MAGI2: variants seen among roughly 807,000 people sequenced by gnomAD.
The protein encoded by MAGI2 is membrane-associated guanylate kinase, WW and PDZ domain-containing protein 2.
Under a neutral mutation model 133.3 loss-of-function variants are expected in MAGI2, and 35 were observed. The observed-to-expected ratio is 0.26, with a 90% CI of 0.20 to 0.35. The LOEUF (loss-of-function observed/expected upper bound fraction) is 0.35, where lower values mean the gene tolerates loss of function less well. Among genes scored for constraint, MAGI2 ranks in the 10% least tolerant of loss-of-function variants. The pLI, the probability that MAGI2 is intolerant of heterozygous loss-of-function variation, is 1.00. For synonymous variants in MAGI2, 729 were observed against 710.6 expected, an observed-to-expected ratio of 1.03 and a Z score of -0.41; for missense variants, 1,636 against 1,863.4, an observed-to-expected ratio of 0.88 and a Z score of 2.25.
At chr7:78,963,745 C>A (rs1340425711) in intron 2 of MAGI2, among the ~76,000 whole-genome samples, 1 of 151,774 alleles carries the variant, frequency 6.6e-6, no homozygotes, top group African/African-American at 2.4e-5. Context: ...AAAAAGTGTG[C>A]CCTGGTTTAT....
chr7:79,306,320 A>ATG (rs1249306996), intron 1 of MAGI2, among the ~76,000 whole-genome samples: 6 of 132,902 alleles, frequency 4.5e-5, no homozygotes, highest in East Asian at 2.4e-4. Flanking sequence ...TTTTATATAT[A>ATG]TGTGTATATA....
At chr7:78,669,782 A>G (rs891469986) in intron 2 of MAGI2, among the ~76,000 whole-genome samples, 4 of 151,350 alleles carry the variant, frequency 2.6e-5, no homozygotes, top group Non-Finnish European at 5.9e-5. Context: ...GCAAATCAAT[A>G]AATGTAATCC....
chr7:78,349,687 A>G (rs1389998983), intron 7 of MAGI2, among the ~76,000 whole-genome samples: 1 of 152,224 alleles, frequency 6.6e-6, no homozygotes, highest in Non-Finnish European at 1.5e-5. Flanking sequence ...ATAGCACCAT[A>G]AGCTAATTGC....
chr7:79,084,290 A>G (rs1320984697), intron 1 of MAGI2, among the ~76,000 whole-genome samples: 3 of 151,768 alleles, frequency 2.0e-5, no homozygotes, highest in African/African-American at 7.2e-5. Flanking sequence ...TTATAGCTAC[A>G]GATTTCTCTC....
intron 16 of MAGI2, among the ~76,000 whole-genome samples, chr7:78,158,701 T>G (rs1824644850): frequency 6.6e-6 from 1 of 152,120 alleles, no homozygotes; most frequent in Non-Finnish European, 1.5e-5. Context: ...TAAACAAAAT[T>G]GATAACAGCT....
Position 79,235,749 on chromosome 7 carries a change from G to A in MAGI2, c.301+217271C>T, listed in dbSNP as rs1018023574. On this transcript the variant is annotated intron_variant, in intron 1 of 21. Transcript: ENST00000354212. ...TCAGATGGAAATGCAGAAATCACCCGTCTTCTGCGTCGCTCACGCTGGGAG... is the reference window on the plus strand; with the variant it reads ...TCAGATGGAAATGCAGAAATCACCCATCTTCTGCGTCGCTCACGCTGGGAG... 3.3e-4 allele frequency among the ~76,000 whole-genome samples: 50 copies of A among 152,286 alleles called. 1 individual carries two copies. The South Asian group carries it at 4.3e-3, about 13-fold the overall frequency.
At chr7:78,845,252 A>G (rs1237409118) in intron 2 of MAGI2, among the ~76,000 whole-genome samples, 1 of 151,936 alleles carries the variant, frequency 6.6e-6, no homozygotes, top group African/African-American at 2.4e-5. Context: ...CAATAGTGCA[A>G]TATTTCCATT....
chr7:78,793,915 C>A (rs1787384102), intron 2 of MAGI2, among the ~76,000 whole-genome samples: 1 of 152,106 alleles, frequency 6.6e-6, no homozygotes, highest in South Asian at 2.1e-4. Flanking sequence ...CTTGGGGACT[C>A]CTGTCTCATG....
At chr7:78,554,107 G>T (rs1272941567) in intron 3 of MAGI2, among the ~76,000 whole-genome samples, 1 of 152,198 alleles carries the variant, frequency 6.6e-6, no homozygotes, top group Non-Finnish European at 1.5e-5. Flanking sequence ...ATTCTGAGAT[G>T]CTCTCCAGGA....
chr7:78,479,943 A>T (rs1792184414), intron 6 of MAGI2, among the ~76,000 whole-genome samples: 2 of 152,014 alleles, frequency 1.3e-5, no homozygotes, highest in African/African-American at 4.8e-5. Context: ...CAGAATGGAA[A>T]AATAAAATAA....
At chr7:79,109,496 C>A (rs910309557) in intron 1 of MAGI2, among the ~76,000 whole-genome samples, 1 of 152,160 alleles carries the variant, frequency 6.6e-6, no homozygotes, top group Non-Finnish European at 1.5e-5. Flanking sequence ...GTCTAAGGAG[C>A]AAAGCATTCA....
intron 1 of MAGI2, among the ~76,000 whole-genome samples, chr7:79,416,305 T>A (rs1335631286): frequency 1.3e-5 from 2 of 151,904 alleles, no homozygotes; most frequent in African/African-American, 4.8e-5. Context: ...CAAATGCAAT[T>A]TCTGACTTGT....
intron 6 of MAGI2, among the ~76,000 whole-genome samples, chr7:78,458,938 A>G (rs10266615): frequency 6.6e-6 from 1 of 152,132 alleles, no homozygotes; most frequent in African/African-American, 2.4e-5. Flanking sequence ...CGGGCTCATT[A>G]CTTTTTTTCT....
Position 79,153,747 on chromosome 7 carries a change from A to G in MAGI2, c.302-146541T>C, listed in dbSNP as rs897350110. Among the ~76,000 whole-genome samples, 9 of 152,188 alleles carry G rather than the reference A, an allele frequency of 5.9e-5. No individual in the cohort carries two copies. The East Asian group carries it at 7.7e-4, about 13-fold the overall frequency. On this transcript the variant is annotated intron_variant, in intron 1 of 21. Coordinates refer to ENST00000354212, the MANE Select transcript of MAGI2 (RefSeq NM_012301.4). ...AGGACCAGATTTGCATTTGATGTCA[A>G]TGGAGGACAGGCTGAAGAGCAAAGC... is the stretch of plus-strand genomic sequence containing the variant.
At chr7:78,285,393 C>A (rs1796040871) in intron 9 of MAGI2, among the ~76,000 whole-genome samples, 1 of 151,716 alleles carries the variant, frequency 6.6e-6, no homozygotes, top group African/African-American at 2.4e-5. Context: ...TTGAATGCTT[C>A]CTATTTGTGA....
At chr7:78,396,760 A>G (rs942768787) in intron 6 of MAGI2, among the ~76,000 whole-genome samples, 1 of 152,198 alleles carries the variant, frequency 6.6e-6, no homozygotes, top group Non-Finnish European at 1.5e-5. Context: ...ATGCTATAAA[A>G]TGATTCCTAA....
chr7:79,453,469 T>A lies in MAGI2; in HGVS notation c.-149A>T. 6.9e-7 allele frequency: 1 copy of A among 1,458,000 alleles called. No individual in the cohort carries two copies. The highest frequency in any genetic ancestry group is 9.0e-7 in the Non-Finnish European group (1 of 1,112,222). The allele number at this position is 1,458,000 out of a possible 1,614,324, so 90.3% of individuals were successfully genotyped here. On this transcript the variant is annotated 5_prime_UTR_variant, in exon 1 of 22. The change creates a new upstream start codon in the 5' untranslated region. Transcript: ENST00000354212. ...CCTCTATTCGGTGCTTTCCCTCTTC[T>A]TTGGATGGAGTGTGGACGAGGAATG...
intron 1 of MAGI2, among the ~76,000 whole-genome samples, chr7:79,227,335 T>G (rs936512396): frequency 6.6e-6 from 1 of 152,170 alleles, no homozygotes; most frequent in African/African-American, 2.4e-5. Flanking sequence ...ATGCGGAGTG[T>G]TGTTGTCTTA....
At chr7:79,263,221 G>T (rs1002869000) in intron 1 of MAGI2, among the ~76,000 whole-genome samples, 11 of 152,138 alleles carry the variant, frequency 7.2e-5, no homozygotes, top group African/African-American at 2.7e-4. Context: ...AAGGTTTACA[G>T]AGGACCTTCT....
Sources: allele counts gnomAD v4.1 joint callset (sites outside exome capture counted in the v4.1 genomes callset), GRCh38; gene constraint gnomAD v4.1.1; transcripts MANE v1.5; gene names NCBI Gene and HGNC (gene_info 2026-07-23, HGNC 2026-07-21).